The following PCSK5 variants were observed in gnomAD, a reference collection of about 807,000 sequenced individuals.
PCSK5 encodes proprotein convertase subtilisin/kexin type 5, also known as prohormone convertase 5.
Under a neutral mutation model 233.2 loss-of-function variants are expected in PCSK5, and 129 were observed. The observed-to-expected ratio is 0.55, with a 90% CI of 0.48 to 0.64. The LOEUF (loss-of-function observed/expected upper bound fraction) is 0.64. PCSK5 is among the 30% of genes least tolerant of loss of function. The probability of loss-of-function intolerance (pLI) is 0.00; values close to 1 mark genes in which losing one functional copy is unlikely to be tolerated. For synonymous variants in PCSK5, 825 were observed against 879.2 expected (o/e 0.94, Z 1.09); for missense variants, 2,076 against 2,430.1 (o/e 0.85, Z 3.06).
At chr9:76,208,025 A>C (rs1457734901) in intron 20 of PCSK5, among the ~76,000 whole-genome samples, 3 of 152,206 alleles carry the variant, frequency 2.0e-5, no homozygotes, top group Admixed American at 2.0e-4. Context: ...TACATGTGTC[A>C]GAGAGAAATG....
At chr9:75,926,498 A>G (rs904145954) in intron 1 of PCSK5, among the ~76,000 whole-genome samples, 2 of 152,308 alleles carry the variant, frequency 1.3e-5, no homozygotes. Flanking sequence ...GAAGGCGATG[A>G]GGAGGAGCTG....
Position 76,117,951 on chromosome 9 carries a change from C to G in PCSK5, c.1208+10600C>G, listed in dbSNP as rs201360199. Among the ~76,000 whole-genome samples, 3 of 152,174 alleles carry G rather than the reference C, an allele frequency of 2.0e-5. No homozygotes were observed. The East Asian group carries it at 5.8e-4, about 29-fold the overall frequency. ...CTTTGCGAACAACTTGGAAGAATGT[C>G]GTAGCGAGCTTCCTGGAGAGAGTAT... is the stretch of plus-strand genomic sequence containing the variant. On this transcript the variant is annotated intron_variant, in intron 9 of 37. Transcript: ENST00000674117.
chr9:76,244,792 G>C (rs1039697789), intron 24 of PCSK5, among the ~76,000 whole-genome samples: 2 of 152,062 alleles, frequency 1.3e-5, no homozygotes, highest in Admixed American at 6.5e-5. Context: ...AGAAAGTGTT[G>C]AATTAAATAC....
At chr9:76,172,803 C>T (rs1019061476) in intron 13 of PCSK5, among the ~76,000 whole-genome samples, 2 of 152,146 alleles carry the variant, frequency 1.3e-5, no homozygotes, top group African/African-American at 4.8e-5. Flanking sequence ...ATGCGTGTTA[C>T]TTAGAATTCT....
chr9:75,952,673 A>T (rs1824918704), intron 2 of PCSK5, among the ~76,000 whole-genome samples: 3 of 152,224 alleles, frequency 2.0e-5, no homozygotes, highest in Non-Finnish European at 4.4e-5. Context: ...CCGGACCTGT[A>T]GTTTTACATT....
chr9:76,295,455 G>A (rs1236883684), intron 26 of PCSK5, 44 bp downstream of exon 26: 3 of 1,593,506 alleles, frequency 1.9e-6, no homozygotes, highest in Non-Finnish European at 2.6e-6. Flanking sequence ...ACCAGGCACT[G>A]GAGCTCCACA....
At chr9:76,324,534 C>T (rs1304252136) in intron 32 of PCSK5, among the ~76,000 whole-genome samples, 1 of 152,008 alleles carries the variant, frequency 6.6e-6, no homozygotes, top group Non-Finnish European at 1.5e-5. Flanking sequence ...CCCAGCCTCC[C>T]TTCATGGTTT....
intron 3 of PCSK5, among the ~76,000 whole-genome samples, chr9:76,003,159 A>C (rs1827332345): frequency 6.6e-6 from 1 of 152,204 alleles, no homozygotes; most frequent in Non-Finnish European, 1.5e-5. Context: ...ATCCCTCCCC[A>C]GTAGAAATCC....
At chr9:76,207,919 T>C (rs1825187394) in intron 20 of PCSK5, among the ~76,000 whole-genome samples, 1 of 152,200 alleles carries the variant, frequency 6.6e-6, no homozygotes, top group Non-Finnish European at 1.5e-5. Context: ...CTCATGGTCC[T>C]GGAGGCTGGA....
chr9:76,163,991 A>G (rs1822986313), intron 12 of PCSK5, among the ~76,000 whole-genome samples: 1 of 150,938 alleles, frequency 6.6e-6, no homozygotes, highest in Non-Finnish European at 1.5e-5. Flanking sequence ...AAATTTAATT[A>G]CAGATGAATA....
intron 27 of PCSK5, among the ~76,000 whole-genome samples, chr9:76,299,124 C>T (rs1401694542): frequency 6.6e-6 from 1 of 152,162 alleles, no homozygotes; most frequent in Non-Finnish European, 1.5e-5. Context: ...AGAGAGCCAC[C>T]ATTCTTTGCC....
intron 2 of PCSK5, among the ~76,000 whole-genome samples, chr9:75,982,836 T>A (rs1417287): frequency 0.71 from 107,402 of 150,990 alleles, 38,627 homozygotes; most frequent in East Asian, 0.82. Flanking sequence ...TTTTGGTTTG[T>A]ATTATACTTA....
In PCSK5 at chr9:75,939,260, A is replaced by G. The variant is rs570904489; in HGVS notation, c.297+6777A>G. Among the ~76,000 whole-genome samples the G allele has an allele frequency of 6.6e-5, 10 of 152,370 alleles. No homozygotes were observed. The South Asian group carries it at 1.7e-3, about 25-fold the overall frequency. ...TAACAGAGATTCACAGACTTCTAAC[A>G]TAGAAGCACTAGGGCAATAATAACA... is the stretch of plus-strand genomic sequence containing the variant. On this transcript the variant is annotated intron_variant, in intron 2 of 37. Coordinates refer to ENST00000674117, the MANE Select transcript of PCSK5 (RefSeq NM_001372043.1).
intron 20 of PCSK5, among the ~76,000 whole-genome samples, chr9:76,221,684 G>A (rs1343095857): frequency 6.6e-6 from 1 of 152,192 alleles, no homozygotes; most frequent in Non-Finnish European, 1.5e-5. Context: ...AGGGCCAAAC[G>A]ACGGTGGAAA....
intron 20 of PCSK5, among the ~76,000 whole-genome samples, chr9:76,224,186 A>G (rs1825811920): frequency 6.6e-6 from 1 of 152,190 alleles, no homozygotes; most frequent in African/African-American, 2.4e-5. Flanking sequence ...TCAGGGAGGG[A>G]AAGGGCTTGG....
chr9:76,192,903 C>T (rs1034541096), intron 20 of PCSK5, among the ~76,000 whole-genome samples: 5 of 144,060 alleles, frequency 3.5e-5, no homozygotes, highest in African/African-American at 1.4e-4. Flanking sequence ...TGACTGTATA[C>T]TCTCTGCTCT....
chr9:76,299,591 G>A (rs1828543461), intron 27 of PCSK5, among the ~76,000 whole-genome samples: 2 of 152,192 alleles, frequency 1.3e-5, no homozygotes, highest in African/African-American at 4.8e-5. Flanking sequence ...AGAATCACTT[G>A]AACCCAGGAG....
intron 1 of PCSK5, among the ~76,000 whole-genome samples, chr9:75,929,783 C>T (rs977941463): frequency 2.0e-5 from 3 of 151,966 alleles, no homozygotes; most frequent in African/African-American, 7.3e-5. Flanking sequence ...GTGAAAGGCA[C>T]GTCTCACATG....
At chr9:75,910,663 G>C (rs1462244555) in intron 1 of PCSK5, among the ~76,000 whole-genome samples, 1 of 151,712 alleles carries the variant, frequency 6.6e-6, no homozygotes, top group Admixed American at 6.6e-5. Context: ...GATGAAAATA[G>C]CATGTTAATT....
Sources: gnomAD v4.1 joint callset for allele counts (sites outside exome capture counted in the v4.1 genomes callset) on GRCh38, gnomAD v4.1.1 for gene constraint, MANE v1.5 for transcripts, NCBI Gene and HGNC (gene_info 2026-07-23, HGNC 2026-07-21) for gene names.